Variants in ILRUN observed in about 807,000 individuals in gnomAD.
ILRUN encodes the protein inflammation and lipid regulator with UBA-like and NBR1-like domains, also known as protein ILRUN.
ILRUN carries 3 observed loss-of-function variants against 33.8 expected under a neutral mutation model. The observed-to-expected ratio is 0.09, with a 90% confidence interval of 0.04 to 0.23. The LOEUF (loss-of-function observed/expected upper bound fraction) is 0.23. ILRUN is among the 10% of genes least tolerant of loss of function. The pLI is 1.00. For missense variants in ILRUN, 210 were observed against 375.1 expected, an observed-to-expected ratio of 0.56 and a Z score of 3.64; for synonymous variants, 124 against 138.9, an observed-to-expected ratio of 0.89 and a Z score of 0.75.
intron 4 of ILRUN, among the ~76,000 whole-genome samples, 189 bp downstream of exon 4, chr6:34,606,366 C>T (rs527263188): frequency 6.6e-6 from 1 of 152,252 alleles, no homozygotes; most frequent in African/African-American, 2.4e-5. Context: ...ATCCACAGGA[C>T]ATGAAGATGG....
At chr6:34,696,412 C>T (rs1271911495) in intron 1 of ILRUN, 34 bp downstream of exon 1, 1 of 1,543,220 alleles carries the variant, frequency 6.5e-7, no homozygotes, top group Admixed American at 2.0e-5. Context: ...CCCCCGAGGC[C>T]GCTGCCAGCG....
intron 2 of ILRUN, among the ~76,000 whole-genome samples, chr6:34,648,179 C>T (rs1031293300): frequency 1.3e-5 from 2 of 152,078 alleles, no homozygotes; most frequent in African/African-American, 4.8e-5. Context: ...ACAGAAACTT[C>T]TATATATCTT....
intron 1 of ILRUN, among the ~76,000 whole-genome samples, chr6:34,688,286 C>A (rs939104878): frequency 2.0e-5 from 3 of 150,112 alleles, no homozygotes; most frequent in Non-Finnish European, 3.0e-5. Flanking sequence ...ATGCCTATAT[C>A]CCAGCTACTT....
rs566921684 is a variant in ILRUN at position 34,614,198 on chromosome 6, G to A, written c.512-7294C>T. Among the ~76,000 whole-genome samples, 36 of 152,110 alleles carry A rather than the reference G, an allele frequency of 2.4e-4. No homozygotes were observed. In the East Asian group the frequency reaches 6.4e-3, roughly 27 times the overall value. ...TGCACCGTGGGAGGCCAAGGCAGGT[G>A]GATCGCCAGGTCAGGAGATCGAGAC... On this transcript the variant is annotated intron_variant, in intron 3 of 4. Transcript: ENST00000374023.
intron 4 of ILRUN, among the ~76,000 whole-genome samples, chr6:34,591,848 T>A (rs146757729): frequency 2.6e-5 from 4 of 152,212 alleles, no homozygotes; most frequent in Admixed American, 2.6e-4. Context: ...AAGATTCAAA[T>A]CCAAATTTGA....
chr6:34,666,576 G>A (rs2815001), intron 1 of ILRUN, among the ~76,000 whole-genome samples: 67,623 of 151,818 alleles, frequency 0.45, 17,078 homozygotes, highest in African/African-American at 0.7. Context: ...AAAAAAAGAA[G>A]AGCTATATAC....
At chr6:34,658,572 C>T (rs1480575844) in intron 1 of ILRUN, among the ~76,000 whole-genome samples, 3 of 146,630 alleles carry the variant, frequency 2.0e-5, no homozygotes, top group African/African-American at 5.0e-5. Context: ...TTTGGGAGGC[C>T]GAGGCGGGCA....
intron 3 of ILRUN, among the ~76,000 whole-genome samples, chr6:34,636,003 T>C (rs553631793): frequency 2.0e-5 from 3 of 152,250 alleles, no homozygotes; most frequent in African/African-American, 7.2e-5. Flanking sequence ...CACATCTGTA[T>C]TCCCAGCACT....
At chr6:34,630,705 AG>A (rs1762228515) in intron 3 of ILRUN, among the ~76,000 whole-genome samples, 1 of 152,030 alleles carries the variant, frequency 6.6e-6, no homozygotes, top group African/African-American at 2.4e-5. Context: ...TTAAGCAATG[AG>A]GTCTCACTAT....
intron 3 of ILRUN, among the ~76,000 whole-genome samples, chr6:34,625,333 TG>T (rs1286875769): frequency 6.6e-6 from 1 of 152,140 alleles, no homozygotes; most frequent in African/African-American, 2.4e-5. Flanking sequence ...CACAGAGCTC[TG>T]GGGGCATTAA....
chr6:34,615,702 C>T (rs1253242796), intron 3 of ILRUN, among the ~76,000 whole-genome samples: 1 of 152,136 alleles, frequency 6.6e-6, no homozygotes, highest in Non-Finnish European at 1.5e-5. Flanking sequence ...AGGGGTAGAA[C>T]AAGGTTGTAG....
intron 3 of ILRUN, among the ~76,000 whole-genome samples, chr6:34,637,616 C>T (rs950143786): frequency 6.6e-6 from 1 of 152,190 alleles, no homozygotes; most frequent in African/African-American, 2.4e-5. Context: ...ATCATTAGCA[C>T]TAACAGCACA....
chr6:34,599,495 G>A lies in ILRUN; in HGVS notation c.861+7060C>T, dbSNP rs148970546. ...TACTATTGGCATCTAGTGGGTAAAAGGCCAGGCATGCTGCTAACCACTGTA... is the reference window on the plus strand; with the variant it reads ...TACTATTGGCATCTAGTGGGTAAAAAGCCAGGCATGCTGCTAACCACTGTA... On this transcript the variant is annotated intron_variant, in intron 4 of 4. Transcript: ENST00000374023. Among the ~76,000 whole-genome samples, 1,232 of 152,178 alleles carry A rather than the reference G, an allele frequency of 8.1e-3. 49 individuals carry two copies. Among genetic ancestry groups the A allele is most frequent in the Admixed American group, 0.067 (1,031 of 15,284 alleles).
chr6:34,643,255 T>C (rs1210950201), intron 3 of ILRUN, among the ~76,000 whole-genome samples: 2 of 151,216 alleles, frequency 1.3e-5, no homozygotes, highest in Non-Finnish European at 2.9e-5. Context: ...GCCAAGATCA[T>C]GTCACTGTAC....
intron 3 of ILRUN, among the ~76,000 whole-genome samples, chr6:34,637,861 C>CTGT (rs1333075451): frequency 3.1e-3 from 312 of 102,040 alleles, no homozygotes; most frequent in African/African-American, 8.6e-3. Context: ...GCTGCTGCTG[C>CTGT]TGCTGTTGTT....
At chr6:34,622,038 T>A (rs1762023629) in intron 3 of ILRUN, among the ~76,000 whole-genome samples, 1 of 152,182 alleles carries the variant, frequency 6.6e-6, no homozygotes, top group East Asian at 1.9e-4. Context: ...GAAAACTGCA[T>A]ATCCACGTGC....
At chr6:34,635,612 C>CTTTT (rs778064465) in intron 3 of ILRUN, among the ~76,000 whole-genome samples, 8 of 104,566 alleles carry the variant, frequency 7.7e-5, no homozygotes, top group Non-Finnish European at 1.1e-4. Context: ...TCTTAGAAAG[C>CTTTT]TTTTTTTTTT....
In ILRUN at chr6:34,592,414, C is replaced by T. The variant is rs1013492052; in HGVS notation, c.862-1814G>A. On this transcript the variant is annotated intron_variant, in intron 4 of 4. Transcript: ENST00000374023. The surrounding 1 kb of genome is among the most constrained non-coding windows in gnomAD (Gnocchi z 4.0). ...CCGAGCCAACCACGCCTCTAGCAGA[C>T]GAGCTATGAACCATCTCAGCAGCCA... Among the ~76,000 whole-genome samples the T allele has an allele frequency of 1.3e-5, 2 of 152,194 alleles. No homozygotes were observed. The highest frequency in any genetic ancestry group is 2.9e-5 in the Non-Finnish European group (2 of 68,040).
At chr6:34,640,317 G>C (rs1315845420) in intron 3 of ILRUN, among the ~76,000 whole-genome samples, 1 of 151,910 alleles carries the variant, frequency 6.6e-6, no homozygotes, top group East Asian at 1.9e-4. Context: ...CTGAAACAGG[G>C]TGGAGGAGAC....
Sources: gnomAD v4.1 joint callset for allele counts (sites outside exome capture counted in the v4.1 genomes callset) on GRCh38, gnomAD v4.1.1 for gene constraint, Gnocchi (gnomAD v3.1) non-coding constraint, MANE v1.5 for transcripts, NCBI Gene and HGNC (gene_info 2026-07-23, HGNC 2026-07-21) for gene names.